The following ZNF90 variants were observed in gnomAD, a reference collection of about 807,000 sequenced individuals.
ZNF90 encodes the protein zinc finger protein 90.
ZNF90 carries 11 observed loss-of-function variants against 12.0 expected under a neutral mutation model. The observed-to-expected ratio is 0.92, with a 90% CI of 0.58 to 1.52. The LOEUF (loss-of-function observed/expected upper bound fraction) is 1.52, where lower values mean the gene tolerates loss of function less well. ZNF90 is among the 40% of genes most tolerant of loss of function. ZNF90 has a pLI of 0.00. For synonymous variants in ZNF90, 232 were observed against 240.1 expected (o/e 0.97, Z 0.31); for missense variants, 765 against 711.5 (o/e 1.08, Z -0.86).
At chr19:20,078,529 C>T (rs1396477483) in intron 1 of ZNF90, among the ~76,000 whole-genome samples, 2 of 152,020 alleles carry the variant, frequency 1.3e-5, no homozygotes, top group African/African-American at 2.4e-5. Flanking sequence ...CTTATGGGGC[C>T]GGTCGCTGTG....
intron 1 of ZNF90, among the ~76,000 whole-genome samples, chr19:20,091,109 T>TG (rs2088899006): frequency 6.6e-6 from 1 of 152,110 alleles, no homozygotes; most frequent in Non-Finnish European, 1.5e-5. Context: ...TCAGACCCTG[T>TG]GGGGAAGGCC....
chr19:20,095,423 TGAG>T (rs2088935782), intron 1 of ZNF90, among the ~76,000 whole-genome samples: 1 of 151,876 alleles, frequency 6.6e-6, no homozygotes, highest in African/African-American at 2.4e-5. Context: ...TTTAAGTTCT[TGAG>T]GACACAGGCT....
chr19:20,110,679 A>T (rs1014653458), intron 3 of ZNF90, among the ~76,000 whole-genome samples: 6 of 152,168 alleles, frequency 3.9e-5, no homozygotes, highest in African/African-American at 1.4e-4. Context: ...TTTTTATTGC[A>T]TCATCAAGAG....
chr19:20,083,086 C>G (rs1354918756), intron 1 of ZNF90, among the ~76,000 whole-genome samples: 1 of 152,140 alleles, frequency 6.6e-6, no homozygotes, highest in African/African-American at 2.4e-5. Context: ...TATTGTCCTG[C>G]CACATCTCCC....
intron 1 of ZNF90, among the ~76,000 whole-genome samples, chr19:20,083,944 C>T (rs2088839952): frequency 6.6e-6 from 1 of 152,122 alleles, no homozygotes; most frequent in Admixed American, 6.5e-5. Context: ...TTTGTGGAGA[C>T]AGGATTTTGC....
At chr19:20,103,153 C>A (rs1568287984) in intron 1 of ZNF90, among the ~76,000 whole-genome samples, 1 of 152,056 alleles carries the variant, frequency 6.6e-6, no homozygotes, top group Admixed American at 6.5e-5. Context: ...CTGTGAAGGC[C>A]CAGAGCTCTG....
At chr19:20,079,105 G>A (rs922959793) in intron 1 of ZNF90, among the ~76,000 whole-genome samples, 9 of 144,174 alleles carry the variant, frequency 6.2e-5, no homozygotes, top group Non-Finnish European at 1.3e-4. Flanking sequence ...CGCGACAGAG[G>A]GAGAGTCCTC....
At chr19:20,108,488 T>G (rs2089058555) in intron 3 of ZNF90, among the ~76,000 whole-genome samples, 1 of 152,128 alleles carries the variant, frequency 6.6e-6, no homozygotes. Flanking sequence ...TTTTGTATTT[T>G]TAGTAGAGAT....
chr19:20,111,567 A>G (rs1456910387), intron 3 of ZNF90, among the ~76,000 whole-genome samples: 7 of 152,074 alleles, frequency 4.6e-5, no homozygotes, highest in Admixed American at 2.6e-4. Flanking sequence ...TACCAGTTAT[A>G]TAATTATTGT....
intron 3 of ZNF90, among the ~76,000 whole-genome samples, chr19:20,108,533 C>T (rs1383886292): frequency 6.6e-6 from 1 of 152,098 alleles, no homozygotes; most frequent in Non-Finnish European, 1.5e-5. Context: ...CCAGGCTGGT[C>T]TTAAAACTCC....
At chr19:20,095,378 A>G (rs836909) in intron 1 of ZNF90, among the ~76,000 whole-genome samples, 67,913 of 151,850 alleles carry the variant, frequency 0.45, 16,234 homozygotes, top group East Asian at 0.74. Flanking sequence ...AAAATAAGGC[A>G]TTTAGGTTTT....
chr19:20,095,056 C>T (rs1473394473), intron 1 of ZNF90, among the ~76,000 whole-genome samples: 6 of 151,774 alleles, frequency 4.0e-5, no homozygotes, highest in Non-Finnish European at 8.8e-5. Flanking sequence ...AATGAGCAGC[C>T]TGGGGAGGAG....
intron 1 of ZNF90, among the ~76,000 whole-genome samples, chr19:20,079,156 C>G (rs2088801611): frequency 6.6e-6 from 1 of 150,662 alleles, no homozygotes; most frequent in African/African-American, 2.4e-5. Context: ...CTTAAAATTT[C>G]CATCCTTTAT....
intron 3 of ZNF90, among the ~76,000 whole-genome samples, chr19:20,113,655 C>T (rs1232236109): frequency 2.6e-5 from 4 of 151,860 alleles, no homozygotes; most frequent in Non-Finnish European, 4.4e-5. Flanking sequence ...CGGTGAAACC[C>T]GTCTGTACTA....
chr19:20,115,416 T>TG (rs1491195464), intron 3 of ZNF90, among the ~76,000 whole-genome samples: 59 of 131,934 alleles, frequency 4.5e-4, no homozygotes, highest in African/African-American at 1.4e-3. Flanking sequence ...TTTTCCTTTC[T>TG]GTTTTTTTTT....
At chr19:20,088,307 G>A (rs1263872491) in intron 1 of ZNF90, among the ~76,000 whole-genome samples, 1 of 152,086 alleles carries the variant, frequency 6.6e-6, no homozygotes, top group Non-Finnish European at 1.5e-5. Flanking sequence ...TTAAGCTGAA[G>A]GGAGGTCTTG....
chr19:20,110,277 T>C (rs886460753), intron 3 of ZNF90, among the ~76,000 whole-genome samples: 1 of 152,044 alleles, frequency 6.6e-6, no homozygotes, highest in African/African-American at 2.4e-5. Flanking sequence ...TGTGTTGTTT[T>C]GCTTTGTTTT....
intron 3 of ZNF90, among the ~76,000 whole-genome samples, chr19:20,116,326 T>C (rs1013962742): frequency 6.6e-6 from 1 of 152,058 alleles, no homozygotes; most frequent in East Asian, 1.9e-4. Context: ...TATGCCACCA[T>C]GCCCAGTTAA....
intron 1 of ZNF90, among the ~76,000 whole-genome samples, chr19:20,097,326 A>G (rs180898878): frequency 8.5e-5 from 13 of 152,340 alleles, no homozygotes; most frequent in African/African-American, 3.1e-4. Context: ...TCAGGCTTCC[A>G]GTTGACTGAC....
Sources: gnomAD v4.1 joint callset for allele counts (sites outside exome capture counted in the v4.1 genomes callset) on GRCh38, gnomAD v4.1.1 for gene constraint, MANE v1.5 for transcripts, NCBI Gene and HGNC (gene_info 2026-07-23, HGNC 2026-07-21) for gene names.